Variants in EEIG2 observed in about 807,000 individuals in gnomAD.
EEIG2 encodes family with sequence similarity 102 member B.
At chr1:108,610,800 G>C in the EEIG2 span, among the ~76,000 whole-genome samples, 13 of 152,244 alleles carry the variant, frequency 8.5e-5, no homozygotes, top group East Asian at 1.9e-4. Context: ...CAGGCGTGGT[G>C]GTGGGCGCCT....
At chr1:108,635,190 T>C in the EEIG2 span, 8 of 1,610,836 alleles carry the variant, frequency 5.0e-6, no homozygotes, top group Non-Finnish European at 6.8e-6. Context: ...GGATTTAAGA[T>C]GTGAGTAGTT....
the EEIG2 span, among the ~76,000 whole-genome samples, chr1:108,630,928 A>G: frequency 6.6e-6 from 1 of 152,170 alleles, no homozygotes; most frequent in Non-Finnish European, 1.5e-5. Flanking sequence ...TCTTTTACTA[A>G]TACTCATTTT....
the EEIG2 span, among the ~76,000 whole-genome samples, chr1:108,634,896 G>T: frequency 6.6e-6 from 1 of 152,204 alleles, no homozygotes. Flanking sequence ...GGGAATAAGT[G>T]TGAGAGAATC....
chr1:108,632,245 A>C, the EEIG2 span, among the ~76,000 whole-genome samples: 2 of 152,138 alleles, frequency 1.3e-5, no homozygotes, highest in Non-Finnish European at 2.9e-5. Context: ...CTTAACCAGT[A>C]TATTTTACTG....
At chr1:108,581,396 A>G in the EEIG2 span, among the ~76,000 whole-genome samples, 1 of 152,226 alleles carries the variant, frequency 6.6e-6, no homozygotes. Context: ...TAAGAAATAC[A>G]TTTTGTAAGG....
chr1:108,592,501 A>G, the EEIG2 span, among the ~76,000 whole-genome samples: 2 of 152,208 alleles, frequency 1.3e-5, no homozygotes, highest in Non-Finnish European at 2.9e-5. Flanking sequence ...TTACTCACAT[A>G]AGAACCTGTT....
chr1:108,571,266 C>T, the EEIG2 span, among the ~76,000 whole-genome samples: 1 of 152,112 alleles, frequency 6.6e-6, no homozygotes, highest in Non-Finnish European at 1.5e-5. Context: ...AGTGCCGGCA[C>T]TGCCTCTGGA....
chr1:108,606,514 TA>T, the EEIG2 span, among the ~76,000 whole-genome samples: 1 of 152,240 alleles, frequency 6.6e-6, no homozygotes, highest in African/African-American at 2.4e-5. Context: ...TAGCATGTGA[TA>T]ATTCAAAGGA....
the EEIG2 span, among the ~76,000 whole-genome samples, chr1:108,588,989 C>T: frequency 6.6e-6 from 1 of 152,002 alleles, no homozygotes; most frequent in African/African-American, 2.4e-5. Context: ...TACTGTGTGC[C>T]AATCAGTGCT....
the EEIG2 span, among the ~76,000 whole-genome samples, chr1:108,590,407 A>C: frequency 6.6e-6 from 1 of 152,152 alleles, no homozygotes; most frequent in East Asian, 1.9e-4. Flanking sequence ...CCATTATTTC[A>C]CTCTGGTGGG....
chr1:108,600,653 A>G, the EEIG2 span: 2 of 1,611,622 alleles, frequency 1.2e-6, no homozygotes, highest in Admixed American at 1.7e-5. Context: ...CAGGCATCCT[A>G]GATCCTTGTA....
At chr1:108,606,205 AT>A in the EEIG2 span, 1 of 1,521,862 alleles carries the variant, frequency 6.6e-7, no homozygotes, top group Non-Finnish European at 9.0e-7. Flanking sequence ...TCCTTATAGT[AT>A]TTTCTGTCTT....
chr1:108,606,692 G>A, the EEIG2 span, among the ~76,000 whole-genome samples: 2 of 152,188 alleles, frequency 1.3e-5, no homozygotes, highest in Non-Finnish European at 1.5e-5. Context: ...TGACTAGAAG[G>A]AATTAGTAAC....
chr1:108,620,792 A>G, the EEIG2 span, among the ~76,000 whole-genome samples: 13 of 152,192 alleles, frequency 8.5e-5, no homozygotes, highest in Non-Finnish European at 1.8e-4. Context: ...GTACATGTGT[A>G]TTGATTGCCT....
the EEIG2 span, among the ~76,000 whole-genome samples, chr1:108,619,914 TC>T: frequency 6.6e-6 from 1 of 152,016 alleles, no homozygotes; most frequent in Non-Finnish European, 1.5e-5. Flanking sequence ...ATATTATGAA[TC>T]CTAGTATATA....
At chr1:108,572,351 C>T in the EEIG2 span, among the ~76,000 whole-genome samples, 1 of 152,092 alleles carries the variant, frequency 6.6e-6, no homozygotes, top group African/African-American at 2.4e-5. Context: ...CTCACATAGC[C>T]TCCCCCACTA....
At chr1:108,567,663 C>T in the EEIG2 span, among the ~76,000 whole-genome samples, 1 of 152,182 alleles carries the variant, frequency 6.6e-6, no homozygotes, top group Non-Finnish European at 1.5e-5. Context: ...AGACCTGGCC[C>T]CTTTAGATTT....
the EEIG2 span, among the ~76,000 whole-genome samples, chr1:108,620,948 G>A: frequency 3.7e-3 from 565 of 152,238 alleles, 22 homozygotes; most frequent in East Asian, 0.067. Flanking sequence ...TGAAAGCCAG[G>A]GAAATCTTTA....
the EEIG2 span, chr1:108,560,299 G>T: frequency 3.1e-6 from 2 of 639,808 alleles, no homozygotes; most frequent in East Asian, 2.8e-4. Context: ...CCGGCCTGCG[G>T]CGCCCCCCGG....
Sources: gnomAD v4.1 joint callset for allele counts (sites outside exome capture counted in the v4.1 genomes callset) on GRCh38, gnomAD v4.1.1 for gene constraint, MANE v1.5 for transcripts, NCBI Gene and HGNC (gene_info 2026-07-23, HGNC 2026-07-21) for gene names.